Variants in RIC1 observed in about 807,000 individuals in gnomAD.
RIC1 encodes guanine nucleotide exchange factor subunit RIC1.
A neutral mutation model predicts 169.0 loss-of-function variants in RIC1; 88 were observed. The observed-to-expected ratio is 0.52, with a 90% CI of 0.44 to 0.62. The LOEUF (loss-of-function observed/expected upper bound fraction) is 0.62. RIC1 is among the 20% of genes least tolerant of loss of function. The probability of loss-of-function intolerance (pLI) is 0.00; values close to 1 mark genes in which losing one functional copy is unlikely to be tolerated. For synonymous variants in RIC1, 790 were observed against 601.5 expected, an observed-to-expected ratio of 1.31 and a Z score of -4.59; for missense variants, 1,877 against 1,725.5, an observed-to-expected ratio of 1.09 and a Z score of -1.56.
In RIC1 at chr9:5,761,034, G is replaced by A. The variant is rs372153666; in HGVS notation, c.1993-1507G>A. ...CTTCCAAAAGCTCAGGTGATGGCCC[G>A]CTGCTCTTTTTACCCTGGCTAGTGT... On this transcript the variant is annotated intron_variant, in intron 17 of 25. Transcript: ENST00000414202. Among the ~76,000 whole-genome samples, 19 of 149,954 alleles carry A rather than the reference G, an allele frequency of 1.3e-4. No homozygotes were observed. The East Asian group carries it at 1.9e-3, about 15-fold the overall frequency.
chr9:5,689,425 A>T (rs962736399), intron 2 of RIC1, among the ~76,000 whole-genome samples: 2 of 152,196 alleles, frequency 1.3e-5, no homozygotes, highest in South Asian at 2.1e-4. Context: ...TGGAAATTAA[A>T]GGTTTGCTCT....
chr9:5,699,416 A>G (rs72689490), intron 3 of RIC1, among the ~76,000 whole-genome samples: 41,029 of 151,918 alleles, frequency 0.27, 6,519 homozygotes, highest in East Asian at 0.61. Flanking sequence ...GCCACCTGCA[A>G]TTCTGAACTG....
intron 17 of RIC1, among the ~76,000 whole-genome samples, chr9:5,761,151 TCAC>T (rs1826311275): frequency 7.1e-6 from 1 of 141,154 alleles, no homozygotes; most frequent in African/African-American, 2.6e-5. Flanking sequence ...TCTTGCTCTG[TCAC>T]CCAGGCTAGA....
intron 23 of RIC1, among the ~76,000 whole-genome samples, chr9:5,771,190 GTA>G (rs943727515): frequency 6.6e-6 from 1 of 152,122 alleles, no homozygotes; most frequent in Non-Finnish European, 1.5e-5. Context: ...CGAAAACTCT[GTA>G]TATGTTACTT....
intron 6 of RIC1, among the ~76,000 whole-genome samples, chr9:5,726,148 TG>T (rs1823966347): frequency 6.6e-6 from 1 of 152,144 alleles, no homozygotes; most frequent in Non-Finnish European, 1.5e-5. Context: ...ATGTTTACGG[TG>T]GGGTGTTAAA....
chr9:5,762,763 G>A lies in RIC1; in HGVS notation c.2112+103G>A, dbSNP rs541598456. The A allele has an allele frequency of 1.4e-4, 194 of 1,398,184 alleles. No homozygotes were observed. The East Asian group carries it at 3.7e-3, about 27-fold the overall frequency. 86.6% of individuals were successfully genotyped at this position (1,398,184 alleles called of 1,614,324 possible). A position where few individuals can be genotyped will look rare whatever the true frequency, so the allele number is the denominator to read the frequency against. ...AGAAGAGTATTTTATGATTTGGAAAGGAGAAATTAAGTCCATAAAATCAGT... is the reference window on the plus strand; with the variant it reads ...AGAAGAGTATTTTATGATTTGGAAAAGAGAAATTAAGTCCATAAAATCAGT... On this transcript the variant is annotated intron_variant, in intron 18 of 25. Transcript: ENST00000414202.
chr9:5,696,337 C>G (rs1255930890), intron 3 of RIC1, among the ~76,000 whole-genome samples: 1 of 152,010 alleles, frequency 6.6e-6, no homozygotes, highest in South Asian at 2.1e-4. Context: ...TTGAACACAT[C>G]GAACCCACAA....
In RIC1 at chr9:5,642,725, C is replaced by T. The variant is rs1818312341; in HGVS notation, c.144+13272C>T. ...CTGGCCACTGCCGGGCAGTCATCTTCAGGTGTTTATGAATCATTAACATAA... is the reference window on the plus strand; with the variant it reads ...CTGGCCACTGCCGGGCAGTCATCTTTAGGTGTTTATGAATCATTAACATAA... On this transcript the variant is annotated intron_variant, in intron 1 of 25. Coordinates refer to ENST00000414202, the MANE Select transcript of RIC1 (RefSeq NM_020829.4). 1.4e-5 allele frequency among the ~76,000 whole-genome samples: 2 copies of T among 146,878 alleles called. 1 individual carries two copies. Among genetic ancestry groups the T allele is most frequent in the African/African-American group, 5.4e-5 (2 of 37,020 alleles).
chr9:5,686,945 T>C (rs1821286003), intron 2 of RIC1, among the ~76,000 whole-genome samples: 1 of 152,186 alleles, frequency 6.6e-6, no homozygotes, highest in Admixed American at 6.5e-5. Context: ...AAAGAGTTGG[T>C]AGAATTTACC....
intron 2 of RIC1, among the ~76,000 whole-genome samples, chr9:5,662,009 A>G (rs531192215): frequency 3.3e-5 from 5 of 152,176 alleles, no homozygotes; most frequent in South Asian, 2.1e-4. Context: ...TGTTCCTTCA[A>G]TATCTGGTTT....
intron 7 of RIC1, among the ~76,000 whole-genome samples, chr9:5,732,876 A>G (rs1048462442): frequency 1.3e-5 from 2 of 152,176 alleles, no homozygotes; most frequent in Non-Finnish European, 2.9e-5. Flanking sequence ...GTTAACAAGC[A>G]AATTTAAAGT....
At chr9:5,728,807 C>G (rs1318590741) in intron 6 of RIC1, among the ~76,000 whole-genome samples, 1 of 152,148 alleles carries the variant, frequency 6.6e-6, no homozygotes, top group Non-Finnish European at 1.5e-5. Context: ...TCCCTTTACT[C>G]TTATTTGTGT....
At chr9:5,770,349 A>G in intron 23 of RIC1, 71 bp downstream of exon 23, 2 of 1,233,710 alleles carry the variant, frequency 1.6e-6, no homozygotes, top group Non-Finnish European at 1.1e-6. Flanking sequence ...CACTTCAGAG[A>G]TAGACCTTCA....
chr9:5,652,851 C>G (rs1458002434), intron 1 of RIC1, among the ~76,000 whole-genome samples: 2 of 152,058 alleles, frequency 1.3e-5, no homozygotes, highest in African/African-American at 4.8e-5. Context: ...TCATATATGG[C>G]TTTTATTGTG....
chr9:5,714,235 T>G (rs1221106809), intron 4 of RIC1, among the ~76,000 whole-genome samples: 1 of 152,162 alleles, frequency 6.6e-6, no homozygotes, highest in Non-Finnish European at 1.5e-5. Flanking sequence ...ATTTTGAAAT[T>G]TATATTTTAT....
At chr9:5,651,558 CTTTTTTT>C (rs58654916) in intron 1 of RIC1, among the ~76,000 whole-genome samples, 1 of 107,838 alleles carries the variant, frequency 9.3e-6, no homozygotes, top group Non-Finnish European at 1.8e-5. Flanking sequence ...AGTCTTTAAT[CTTTTTTT>C]TTTTTTTTTT....
At position 5,747,506 on chromosome 9, in the gene RIC1, G is replaced by C. The variant is rs985622405; in HGVS notation, c.1452+1G>C. 6.2e-7 allele frequency: 1 copy of C among 1,611,974 alleles called. No individual in the cohort carries two copies. Reference sequence around the variant, plus strand: ...ACATCGGCATTGGCATGTTGTACAGGTAAATCTTTAGTTACTGATTACTAG... The same window carrying C: ...ACATCGGCATTGGCATGTTGTACAGCTAAATCTTTAGTTACTGATTACTAG... On this transcript the variant is annotated splice_donor_variant, in intron 12 of 25. Transcript: ENST00000414202. LOFTEE classifies it high-confidence loss of function.
At chr9:5,704,463 T>C (rs915310453) in intron 3 of RIC1, among the ~76,000 whole-genome samples, 6 of 152,150 alleles carry the variant, frequency 3.9e-5, no homozygotes, top group African/African-American at 1.4e-4. Flanking sequence ...CCTCCTGTCT[T>C]GGCCCCCCAA....
intron 6 of RIC1, among the ~76,000 whole-genome samples, chr9:5,730,969 C>G (rs66487767): frequency 0.02 from 3,051 of 152,244 alleles, 39 homozygotes; most frequent in Non-Finnish European, 0.025. Flanking sequence ...CAGAAATGCT[C>G]CTACATTAGG....
Sources: gnomAD v4.1 joint callset for allele counts (sites outside exome capture counted in the v4.1 genomes callset) on GRCh38, gnomAD v4.1.1 for gene constraint, MANE v1.5 for transcripts, NCBI Gene and HGNC (gene_info 2026-07-23, HGNC 2026-07-21) for gene names.